ZSCAN29: variants seen among roughly 807,000 people sequenced by gnomAD.
ZSCAN29 encodes the protein zinc finger and SCAN domain containing 29.
In ZSCAN29, 55 loss-of-function variants were observed where a neutral mutation model predicts 71.9. The ratio of observed to expected loss-of-function variants is 0.76; its 90% confidence interval spans 0.62 to 0.96. The LOEUF (loss-of-function observed/expected upper bound fraction) is 0.96. ZSCAN29 is among the 40% of genes least tolerant of loss of function. The pLI, the probability that ZSCAN29 is intolerant of heterozygous loss-of-function variation, is 0.00. For synonymous variants in ZSCAN29, 351 were observed against 371.6 expected (o/e 0.94, Z 0.64); for missense variants, 1,042 against 1,042.2 (o/e 1.00, Z 0.00).
At chr15:43,367,348 T>C (rs2044049771) in intron 3 of ZSCAN29, among the ~76,000 whole-genome samples, 2 of 152,296 alleles carry the variant, frequency 1.3e-5, no homozygotes, top group South Asian at 4.2e-4. Context: ...GGCTCTTGCT[T>C]GCCAGTGCAC....
At chr15:43,363,877 C>A in intron 5 of ZSCAN29, 38 bp downstream of exon 5, 6 of 1,526,610 alleles carry the variant, frequency 3.9e-6, no homozygotes, top group Middle Eastern at 3.7e-4. Context: ...CATTGTCTTC[C>A]CTTTGTTATT....
At chr15:43,363,836 T>C (rs575290367) in intron 5 of ZSCAN29, 79 bp downstream of exon 5, 1 of 1,392,034 alleles carries the variant, frequency 7.2e-7, no homozygotes, top group African/African-American at 1.4e-5. Flanking sequence ...TAGAGGCCAG[T>C]TCTCAATCAG....
At chr15:43,368,741 G>C (rs1436534958) in intron 3 of ZSCAN29, among the ~76,000 whole-genome samples, 182 bp downstream of exon 3, 1 of 152,046 alleles carries the variant, frequency 6.6e-6, no homozygotes, top group African/African-American at 2.4e-5. Context: ...AAAAACTAGG[G>C]AGCCATTCTC....
In ZSCAN29 at chr15:43,361,246, C is replaced by T; in HGVS notation, c.2386G>A (p.Gly796Arg). 1 of 1,614,174 alleles carries T rather than the reference C, an allele frequency of 6.2e-7. No homozygotes were observed. The highest frequency in any genetic ancestry group is 1.1e-5 in the South Asian group (1 of 91,084). The change falls in exon 6 of 6, where the codon GGA becomes AGA. Residue 796 changes from glycine to arginine, a missense_variant. Coordinates refer to ENST00000684362, the MANE Select transcript of ZSCAN29 (RefSeq NM_001372080.1). ...GERPHVCPDC[G>R]KSFSKSSDLR... is the part of the protein sequence containing the mutation. ...TCAGAACTCTTACTGAAACTCTTTC[C>T]ACAGTCAGGACACACATGGGGTCTC...
chr15:43,361,970 T>C (rs775996530), intron 5 of ZSCAN29, 29 bp from the exon 6 acceptor site: 21 of 1,573,904 alleles, frequency 1.3e-5, no homozygotes, highest in Non-Finnish European at 1.8e-5. Flanking sequence ...TTAGAAGTTA[T>C]CTATTTTCTT....
At chr15:43,363,692 A>G in intron 5 of ZSCAN29, 2 of 456,586 alleles carry the variant, frequency 4.4e-6, no homozygotes, top group Non-Finnish European at 7.7e-6. Flanking sequence ...GCAAATTTAC[A>G]ATGTGCAGCT....
intron 5 of ZSCAN29, among the ~76,000 whole-genome samples, chr15:43,363,036 G>A (rs34767197): frequency 0.17 from 26,142 of 151,430 alleles, 2,433 homozygotes; most frequent in Middle Eastern, 0.27. Flanking sequence ...GGAGTGCAAT[G>A]GCACGATCTC....
Position 43,361,259 on chromosome 15 carries a change from C to T in ZSCAN29, c.2373G>A (p.Val791=), listed in dbSNP as rs1310316954. The change falls in exon 6 of 6, where the codon GTG becomes GTA. Residue 791 remains valine (V), a synonymous_variant. Transcript: ENST00000684362. ...TGAAACTCTTTCCACAGTCAGGACACACATGGGGTCTCTCTCCTGTGTGTA... is the reference window on the plus strand; with the variant it reads ...TGAAACTCTTTCCACAGTCAGGACATACATGGGGTCTCTCTCCTGTGTGTA... ...RRIHTGERPH[V]CPDCGKSFSK... 1 of 1,614,000 alleles carries T rather than the reference C, an allele frequency of 6.2e-7. No homozygotes were observed. The highest frequency in any genetic ancestry group is 8.5e-7 in the Non-Finnish European group (1 of 1,180,006).
At chr15:43,362,075 A>T (rs1376536970) in intron 5 of ZSCAN29, 134 bp from the exon 6 acceptor site, 1 of 833,834 alleles carries the variant, frequency 1.2e-6, no homozygotes, top group East Asian at 2.7e-5. Context: ...AATAACTACC[A>T]TTATCTTATT....
rs746567067 is a variant in ZSCAN29 at position 43,366,595 on chromosome 15, A to G, written c.737T>C (p.Val246Ala). The G allele has an allele frequency of 1.2e-4, 191 of 1,614,218 alleles. No individual in the cohort carries two copies. The East Asian group carries it at 3.8e-3, about 32-fold the overall frequency. ...TCTGGTCTCTTCATAGCCCCAGTGC[A>G]CACCTGCCACCTTCTCATCTTCAAA... Reference protein sequence around the residue: ...WSFEDEKVAGVHWGYEETRTL... With the variant: ...WSFEDEKVAGAHWGYEETRTL... Residue 246 changes from valine to alanine, a missense_variant, in exon 4 of 6, where the codon GTG becomes GCG. Val to Ala is a moderately conservative substitution (Grantham distance 64). Coordinates refer to ENST00000684362, the MANE Select transcript of ZSCAN29 (RefSeq NM_001372080.1).
Position 43,358,751 on chromosome 15 carries a change from A to G in ZSCAN29, c.*2322T>C, listed in dbSNP as rs527507601. The G allele has an allele frequency of 6.6e-6, 1 of 152,338 alleles. No individual in the cohort carries two copies. Among genetic ancestry groups the G allele is most frequent in the Admixed American group, 6.5e-5 (1 of 15,306 alleles). 9.4% of individuals were successfully genotyped at this position (152,338 alleles called of 1,614,324 possible). A position where few individuals can be genotyped will look rare whatever the true frequency, so the allele number is the denominator to read the frequency against. ...CTACGATTTCTGACCTTTATCTCCC[A>G]TAGGAGCTAGTCCCCTAAAACTGCT... On this transcript the variant is annotated 3_prime_UTR_variant, in exon 6 of 6. Transcript: ENST00000684362.
Position 43,366,281 on chromosome 15 carries a change from C to T in ZSCAN29, c.1051G>A (p.Gly351Ser), listed in dbSNP as rs1466510958. The T allele has an allele frequency of 6.2e-6, 10 of 1,613,226 alleles. No individual in the cohort carries two copies. The highest frequency in any genetic ancestry group is 8.5e-6 in the Non-Finnish European group (10 of 1,180,036). ...NGLEAAASHS[G>S]LVGSDAETEE... ...GTCTCAGCATCGCTGCCTACCAGGC[C>T]AGAGTGAGAGGCTGCTGCTTCCAGG... The change falls in exon 4 of 6, where the codon GGC becomes AGC. Residue 351 changes from glycine (G) to serine (S), a missense_variant. Transcript: ENST00000684362.
intron 5 of ZSCAN29, 109 bp from the exon 6 acceptor site, chr15:43,362,050 G>A: frequency 1.7e-6 from 2 of 1,147,152 alleles, no homozygotes; most frequent in Non-Finnish European, 1.2e-6. Flanking sequence ...AAAATTTAGG[G>A]AGCCCTAGAT....
chr15:43,368,049 CA>C (rs749146493), intron 3 of ZSCAN29, among the ~76,000 whole-genome samples: 84 of 151,978 alleles, frequency 5.5e-4, no homozygotes, highest in Non-Finnish European at 1.1e-3. Context: ...ACCAGGTGAA[CA>C]AAAAAATATA....
rs1332560360 is a variant in ZSCAN29, at chr15:43,358,672, C to CTGG, written c.*2398_*2400dup. The CTGG allele has an allele frequency of 6.6e-6, 1 of 152,276 alleles. No homozygotes were observed. Among genetic ancestry groups the CTGG allele is most frequent in the Non-Finnish European group, 1.5e-5 (1 of 68,056 alleles). The allele number at this position is 152,276 out of a possible 1,614,324, so 9.4% of individuals were successfully genotyped here. A position where few individuals can be genotyped will look rare whatever the true frequency, so the allele number is the denominator to read the frequency against. ...GCTACTTATCCCAGTCCTTGGCCAT[C>CTGG]TGGCCATGTTTATCTTTCTTCTCAC... On this transcript the variant is annotated 3_prime_UTR_variant, in exon 6 of 6. Coordinates refer to ENST00000684362, the MANE Select transcript of ZSCAN29 (RefSeq NM_001372080.1).
chr15:43,365,964 A>T, intron 4 of ZSCAN29, 146 bp downstream of exon 4: 1 of 722,832 alleles, frequency 1.4e-6, no homozygotes, highest in Non-Finnish European at 2.2e-6. Flanking sequence ...CATAAAAGAG[A>T]ATGAAATACA....
rs1333746566 is a variant in ZSCAN29 at position 43,361,941 on chromosome 15, C to A, written c.1691G>T (p.Gly564Val). The A allele has an allele frequency of 1.9e-6, 3 of 1,603,916 alleles. No individual in the cohort carries two copies. In the East Asian group the frequency reaches 6.7e-5, roughly 36 times the overall value. Residue 564 changes from glycine to valine, a missense_variant and splice_region_variant, in exon 6 of 6, where the codon GGT (glycine) becomes GTT (valine). Gly to Val is a moderately radical substitution (Grantham distance 109). Transcript: ENST00000684362. ...TTCATTCTCAAATCCAGCTTCAAAA[C>A]CTGATGTAAAACAGAATTTTAGAAG... ...RAPVLFQSPR[G>V]FEAGFENEDN...
rs1366060784 is a variant in ZSCAN29 at position 43,366,407 on chromosome 15, A to G, written c.925T>C (p.Tyr309His). The G allele has an allele frequency of 6.8e-6, 11 of 1,613,960 alleles. No individual in the cohort carries two copies. Among genetic ancestry groups the G allele is most frequent in the Non-Finnish European group, 9.3e-6 (11 of 1,180,014 alleles). ...GGGTGGCCGCTCTTGACTTTCCGAT[A>G]GCTCTTCTGGAGACCTTTGAACTTG... The part of the protein sequence containing the change: ...RTKFKGLQKS[Y>H]RKVKSGHPPE... The change falls in exon 4 of 6, where the codon TAT (tyrosine) becomes CAT (histidine). Residue 309 changes from tyrosine (Y) to histidine (H), a missense_variant. Tyr to His is a moderately conservative substitution (Grantham distance 83, BLOSUM62 2). Coordinates refer to ENST00000684362, the MANE Select transcript of ZSCAN29 (RefSeq NM_001372080.1).
chr15:43,364,632 GCA>G, intron 4 of ZSCAN29: 1 of 535,628 alleles, frequency 1.9e-6, no homozygotes, highest in Non-Finnish European at 3.4e-6. Context: ...AGCTGGCCAG[GCA>G]CAGTGGCTTA....
Sources: allele counts gnomAD v4.1 joint callset (sites outside exome capture counted in the v4.1 genomes callset), GRCh38; gene constraint gnomAD v4.1.1; transcripts MANE v1.5; gene names NCBI Gene and HGNC (gene_info 2026-07-23, HGNC 2026-07-21).